Variants in TAS1R2 observed in about 807,000 individuals in gnomAD.
The protein encoded by TAS1R2 is taste 1 receptor member 2, also known as taste receptor type 1 member 2.
Under a neutral mutation model 49.3 loss-of-function variants are expected in TAS1R2, and 47 were observed. The observed-to-expected ratio is 0.95, with a 90% confidence interval of 0.75 to 1.22. The LOEUF (loss-of-function observed/expected upper bound fraction) is 1.22. TAS1R2 is among the 50% of genes most tolerant of loss of function. TAS1R2 has a pLI of 0.00. For missense variants in TAS1R2, 1,155 were observed against 1,122.1 expected, an observed-to-expected ratio of 1.03 and a Z score of -0.42; for synonymous variants, 479 against 467.9, an observed-to-expected ratio of 1.02 and a Z score of -0.31.
At chr1:18,842,166 C>T (rs1368602853) in intron 4 of TAS1R2, among the ~76,000 whole-genome samples, 3 of 152,158 alleles carry the variant, frequency 2.0e-5, no homozygotes, top group Non-Finnish European at 2.9e-5. Flanking sequence ...AAATTCTGAA[C>T]TCCAGCCCTC....
chr1:18,846,216 G>A lies in TAS1R2; in HGVS notation c.1467+3125C>T, dbSNP rs577469109. ...AAGGCTGCAGTATGAAATGCCCATG[G>A]GAGGCCTCTGAAGCTAACACCCCAC... On this transcript the variant is annotated intron_variant, in intron 4 of 5. Transcript: ENST00000375371. Among the ~76,000 whole-genome samples, 5 of 152,322 alleles carry A rather than the reference G, an allele frequency of 3.3e-5. No homozygotes were observed. In the East Asian group the frequency reaches 9.6e-4, roughly 29 times the overall value.
At chr1:18,840,291 G>C in exon 6 of TAS1R2, 1 of 1,614,102 alleles carries the variant, frequency 6.2e-7, no homozygotes, top group Admixed American at 1.7e-5. Flanking sequence ...ACCAGCAGCA[G>C]TGTCAGCATC....
chr1:18,847,186 A>G (rs1391150396), intron 4 of TAS1R2, among the ~76,000 whole-genome samples: 1 of 152,170 alleles, frequency 6.6e-6, no homozygotes, highest in African/African-American at 2.4e-5. Flanking sequence ...AGAGTGGACT[A>G]ATATGGGTGG....
exon 2 of TAS1R2, chr1:18,857,527 T>G (rs1481800172): frequency 6.2e-7 from 1 of 1,614,076 alleles, no homozygotes; most frequent in Admixed American, 1.7e-5. Flanking sequence ...CACGATCTCA[T>G]AGCCCAGCAG....
intron 3 of TAS1R2, among the ~76,000 whole-genome samples, chr1:18,851,337 T>G (rs1212619956): frequency 6.9e-6 from 1 of 145,144 alleles, no homozygotes; most frequent in Non-Finnish European, 1.5e-5. Context: ...TTTGTTTTGC[T>G]TTTTTTTTAA....
chr1:18,841,497 G>A (rs577004434), intron 5 of TAS1R2, among the ~76,000 whole-genome samples: 21 of 152,276 alleles, frequency 1.4e-4, no homozygotes, highest in East Asian at 7.7e-4. Context: ...GGGGAGTGTC[G>A]TCCCTTCCCT....
chr1:18,854,692 T>C lies in TAS1R2; in HGVS notation c.778A>G (p.Ile260Val), dbSNP rs555041019. 6 of 1,613,854 alleles carry C rather than the reference T, an allele frequency of 3.7e-6. No homozygotes were observed. Among genetic ancestry groups the C allele is most frequent in the South Asian group, 3.3e-5 (3 of 91,066 alleles). Residue 260 changes from isoleucine to valine, a missense_variant, in exon 3 of 6, where the codon ATT (isoleucine) becomes GTT (valine). Transcript: ENST00000375371. The surrounding 1 kb of genome is among the most constrained non-coding windows in gnomAD (Gnocchi z 4.9). ...GTGCTCTGCTGCAGCTTGTCCACAA[T>C]GGTCACCAGGCGCTGGCGCTCCTCT...
chr1:18,849,117 C>T (rs1933974170), intron 4 of TAS1R2, among the ~76,000 whole-genome samples: 1 of 152,126 alleles, frequency 6.6e-6, no homozygotes, highest in South Asian at 2.1e-4. Context: ...TGCAGAGGCC[C>T]CTGAGCCCCT....
intron 2 of TAS1R2, among the ~76,000 whole-genome samples, 189 bp from the exon 3 acceptor site, chr1:18,855,175 A>G (rs1188097528): frequency 6.6e-6 from 1 of 152,190 alleles, no homozygotes; most frequent in Non-Finnish European, 1.5e-5. Flanking sequence ...ACTGTGTGCC[A>G]GGCCCTAGGC....
At chr1:18,846,461 A>G (rs942221614) in intron 4 of TAS1R2, among the ~76,000 whole-genome samples, 2 of 152,108 alleles carry the variant, frequency 1.3e-5, no homozygotes, top group African/African-American at 4.8e-5. Flanking sequence ...CTGTCCATGT[A>G]TCATGTCCTG....
At chr1:18,848,410 A>G (rs1398564573) in intron 4 of TAS1R2, among the ~76,000 whole-genome samples, 3 of 152,150 alleles carry the variant, frequency 2.0e-5, no homozygotes, top group African/African-American at 7.2e-5. Flanking sequence ...GGGAGCTGGA[A>G]AGCCCTGAAC....
chr1:18,847,343 G>A (rs1417194565), intron 4 of TAS1R2, among the ~76,000 whole-genome samples: 3 of 152,120 alleles, frequency 2.0e-5, no homozygotes, highest in African/African-American at 7.2e-5. Flanking sequence ...CCAGAACAGT[G>A]AGACAATAAA....
At chr1:18,845,822 G>A (rs948236525) in intron 4 of TAS1R2, among the ~76,000 whole-genome samples, 1 of 152,162 alleles carries the variant, frequency 6.6e-6, no homozygotes, top group Non-Finnish European at 1.5e-5. Context: ...CAGACACCTT[G>A]GGGAAGAAGG....
At chr1:18,852,582 A>C (rs1343634272) in intron 3 of TAS1R2, among the ~76,000 whole-genome samples, 1 of 152,166 alleles carries the variant, frequency 6.6e-6, no homozygotes, top group Non-Finnish European at 1.5e-5. Context: ...CAAGAATGTC[A>C]TCTCAGTGCT....
At chr1:18,859,387 G>C (rs1023741009) in intron 1 of TAS1R2, 92 bp downstream of exon 1, 1 of 1,475,718 alleles carries the variant, frequency 6.8e-7, no homozygotes, top group African/African-American at 1.4e-5. Flanking sequence ...TTAAGCCCTT[G>C]GTCCTGGTCT....
chr1:18,859,158 CA>C (rs1934195626), intron 1 of TAS1R2, among the ~76,000 whole-genome samples: 1 of 152,166 alleles, frequency 6.6e-6, no homozygotes, highest in South Asian at 2.1e-4. Flanking sequence ...CCCCAGTTGC[CA>C]AAGTGGGTGG....
Position 18,857,643 on chromosome 1 carries a change from A to G in TAS1R2, c.183-12T>C. The G allele has an allele frequency of 6.2e-7, 1 of 1,607,272 alleles. No homozygotes were observed. Among genetic ancestry groups the G allele is most frequent in the Admixed American group, 1.7e-5 (1 of 59,928 alleles). On this transcript the variant is annotated splice_polypyrimidine_tract_variant and intron_variant, in intron 1 of 5. Transcript: ENST00000375371. ...CCTTCACTTCATACCTGGAGGGGCC[A>G]CAGCATCATGAGGTGGAAGCAGATC...
intron 4 of TAS1R2, among the ~76,000 whole-genome samples, chr1:18,842,232 C>T (rs1378165538): frequency 2.0e-5 from 3 of 152,158 alleles, no homozygotes; most frequent in African/African-American, 7.2e-5. Flanking sequence ...ATGAAGGTCA[C>T]AGTTCTGGGG....
At chr1:18,839,687 T>C (rs1933777985) in exon 6 of TAS1R2, 1 of 1,614,178 alleles carries the variant, frequency 6.2e-7, no homozygotes, top group Non-Finnish European at 8.5e-7. Context: ...CATGTAGCAC[T>C]TGGGGCCGAA....
Sources: allele counts gnomAD v4.1 joint callset (sites outside exome capture counted in the v4.1 genomes callset), GRCh38; gene constraint gnomAD v4.1.1; non-coding constraint Gnocchi (gnomAD v3.1); transcripts MANE v1.5; gene names NCBI Gene and HGNC (gene_info 2026-07-23, HGNC 2026-07-21).